TNRC6A: variants seen among roughly 807,000 people sequenced by gnomAD.
TNRC6A encodes trinucleotide repeat-containing gene 6A protein.
Under a neutral mutation model 221.2 loss-of-function variants are expected in TNRC6A, and 44 were observed. That is an observed-to-expected ratio of 0.20 (90% CI 0.16 to 0.26). The LOEUF (loss-of-function observed/expected upper bound fraction) is 0.26, where lower values mean the gene tolerates loss of function less well. TNRC6A is among the 10% of genes least tolerant of loss of function. TNRC6A has a pLI of 1.00. For missense variants in TNRC6A, 2,199 were observed against 2,404.4 expected (o/e 0.91, Z 1.79); for synonymous variants, 847 against 838.5 (o/e 1.01, Z -0.18).
chr16:24,693,631 G>A (rs1010411064), intron 2 of TNRC6A, among the ~76,000 whole-genome samples: 1 of 151,854 alleles, frequency 6.6e-6, no homozygotes, highest in African/African-American at 2.4e-5. Context: ...CAGGCATGGT[G>A]TCATGCACCT....
At chr16:24,721,160 T>C (rs113020273) in intron 2 of TNRC6A, among the ~76,000 whole-genome samples, 6 of 152,332 alleles carry the variant, frequency 3.9e-5, no homozygotes, top group African/African-American at 1.4e-4. Context: ...GAGGTTGAGA[T>C]GCAACCGGGT....
intron 23 of TNRC6A, 124 bp from the exon 24 acceptor site, chr16:24,822,750 G>A (rs1468087407): frequency 1.5e-6 from 2 of 1,333,266 alleles, no homozygotes; most frequent in Non-Finnish European, 2.1e-6. Context: ...GAGTGTCAGT[G>A]AAGAGTGGTG....
intron 2 of TNRC6A, among the ~76,000 whole-genome samples, chr16:24,734,944 A>G (rs1443610727): frequency 6.6e-6 from 1 of 152,222 alleles, no homozygotes; most frequent in East Asian, 1.9e-4. Context: ...AAACTGGGAC[A>G]CTTATCTGAG....
intron 1 of TNRC6A, among the ~76,000 whole-genome samples, chr16:24,622,183 G>A (rs1267897126): frequency 6.6e-6 from 1 of 152,228 alleles, no homozygotes; most frequent in East Asian, 1.9e-4. Context: ...ACTTTGAGAG[G>A]CCAAGGTGGG....
At chr16:24,620,394 T>C (rs1900605506) in intron 1 of TNRC6A, among the ~76,000 whole-genome samples, 1 of 152,210 alleles carries the variant, frequency 6.6e-6, no homozygotes, top group Non-Finnish European at 1.5e-5. Context: ...GTAGTGTCGT[T>C]ATAATGCTAG....
chr16:24,788,640 C>A (rs2058024953), intron 5 of TNRC6A, among the ~76,000 whole-genome samples: 1 of 140,086 alleles, frequency 7.1e-6, no homozygotes. Context: ...CTTCTTGACT[C>A]CAAAATTCTT....
In TNRC6A at chr16:24,793,488, G is replaced by T. The variant is rs762167785; in HGVS notation, c.3191G>T (p.Trp1064Leu). 2 of 1,496,990 alleles carry T rather than the reference G, an allele frequency of 1.3e-6. No individual in the cohort carries two copies. Among genetic ancestry groups the T allele is most frequent in the Non-Finnish European group, 1.8e-6 (2 of 1,116,922 alleles). 92.7% of individuals were successfully genotyped at this position (1,496,990 alleles called of 1,614,324 possible). A position where few individuals can be genotyped will look rare whatever the true frequency, so the allele number is the denominator to read the frequency against. The change falls in exon 7 of 25, where the codon TGG becomes TTG. Residue 1064 changes from tryptophan (W) to leucine (L), a missense_variant. Around this residue, in one of 8 missense-constraint regions of TNRC6A, gnomAD observed 1,405 missense variants for 1,400.2 expected, o/e 1.00. Coordinates refer to ENST00000395799, the MANE Select transcript of TNRC6A (RefSeq NM_014494.4). ...ASSGSGWGEP[W>L]GEPSTPATTV... The stretch of plus-strand genomic sequence containing the variant: ...CTTTCTAAAGGCTGGGGTGAGCCCT[G>T]GGGGGAGCCTTCTACTCCAGCCACA...
At chr16:24,728,574 C>G (rs2056533131), upstream of TNRC6A, among the ~76,000 whole-genome samples, 1 of 151,678 alleles carries the variant, frequency 6.6e-6, no homozygotes, top group East Asian at 1.9e-4. Flanking sequence ...ATTTTAAGCA[C>G]AGAGGAGGAA....
At chr16:24,812,041 T>C (rs1263175736) in intron 18 of TNRC6A, among the ~76,000 whole-genome samples, 27 of 66,854 alleles carry the variant, frequency 4.0e-4, no homozygotes, top group African/African-American at 1.3e-3. Context: ...TTTTTTTTTT[T>C]TTTTTTTTTT....
chr16:24,750,794 A>C lies in TNRC6A; in HGVS notation c.122A>C (p.Lys41Thr). Residue 41 changes from lysine to threonine, a missense_variant, in exon 3 of 25, where the codon AAG (lysine) becomes ACG (threonine). Around this residue, in one of 8 missense-constraint regions of TNRC6A, gnomAD observed 1,405 missense variants for 1,400.2 expected, o/e 1.00. Transcript: ENST00000395799. The part of the protein sequence containing the change: ...KKKKKDDKKK[K>T]EAAQKKATEQ... Reference sequence around the variant, plus strand: ...AAGAAAAAAGACGACAAGAAAAAGAAGGAAGCTGCTCAAAAGAAGGTAGTA... The same window carrying C: ...AAGAAAAAAGACGACAAGAAAAAGACGGAAGCTGCTCAAAAGAAGGTAGTA... 6.4e-7 allele frequency: 1 copy of C among 1,564,660 alleles called. No homozygotes were observed. Among genetic ancestry groups the C allele is most frequent in the Non-Finnish European group, 8.6e-7 (1 of 1,158,854 alleles).
chr16:24,810,894 G>C (rs1037690833), intron 18 of TNRC6A, among the ~76,000 whole-genome samples: 4 of 152,194 alleles, frequency 2.6e-5, no homozygotes, highest in African/African-American at 9.7e-5. Flanking sequence ...AAGCAGAAAA[G>C]CTTGGTAACT....
intron 22 of TNRC6A, among the ~76,000 whole-genome samples, chr16:24,821,115 C>T (rs930773576): frequency 6.6e-6 from 1 of 152,248 alleles, no homozygotes; most frequent in African/African-American, 2.4e-5. Flanking sequence ...CCTTTGAGTG[C>T]GGGTTAATTA....
At chr16:24,763,729 C>G (rs2057412132) in intron 4 of TNRC6A, among the ~76,000 whole-genome samples, 1 of 152,128 alleles carries the variant, frequency 6.6e-6, no homozygotes, top group African/African-American at 2.4e-5. Context: ...ACAAAACAAC[C>G]CCCAGGTTCC....
intron 3 of TNRC6A, among the ~76,000 whole-genome samples, chr16:24,757,161 A>G (rs563070072): frequency 1.3e-5 from 2 of 152,200 alleles, no homozygotes; most frequent in South Asian, 2.1e-4. Context: ...ATTTTGATCC[A>G]TAGAGTAAAA....
chr16:24,763,883 A>G (rs1434104101), intron 4 of TNRC6A, among the ~76,000 whole-genome samples: 1 of 152,230 alleles, frequency 6.6e-6, no homozygotes. Context: ...TAAGGTGTAC[A>G]ACATAATGTT....
intron 15 of TNRC6A, among the ~76,000 whole-genome samples, chr16:24,805,956 G>T (rs2058423189): frequency 6.6e-6 from 1 of 152,194 alleles, no homozygotes; most frequent in South Asian, 2.1e-4. Flanking sequence ...AGTCCAGGGT[G>T]CTAGTGTTAG....
In TNRC6A at chr16:24,729,826, C is replaced by A. The variant is rs1421164377; in HGVS notation, c.-16C>A. ...CCTCCTTCGCCGCGCCCCACTTGCT[C>A]GTGCACTTTACACACATGAGGTGAG... On this transcript the variant is annotated 5_prime_UTR_variant, in exon 1 of 25. Transcript: ENST00000395799. The A allele has an allele frequency of 7.1e-7, 1 of 1,404,720 alleles. No homozygotes were observed. Among genetic ancestry groups the A allele is most frequent in the Non-Finnish European group, 9.3e-7 (1 of 1,071,426 alleles). The allele number at this position is 1,404,720 out of a possible 1,614,324, so 87.0% of individuals were successfully genotyped here.
chr16:24,771,582 T>TTGTTATGTTATGTTATGTTATGTTGTTA (rs2057606490), intron 4 of TNRC6A, among the ~76,000 whole-genome samples: 6 of 95,480 alleles, frequency 6.3e-5, no homozygotes, highest in Non-Finnish European at 1.0e-4. Context: ...TTATGTTATG[T>TTGTTATGTTATGTTATGTTATGTTGTTA]TGTTATGTTA....
In TNRC6A at chr16:24,790,754, C is replaced by A. The variant is rs778440208; in HGVS notation, c.2112C>A (p.Leu704=). The change falls in exon 6 of 25, where the codon CTC becomes CTA. Residue 704 remains leucine, a synonymous_variant. Transcript: ENST00000395799. ...DRRKIDQHTL[L]QSIVNRTDLD... ...GAAAAATTGATCAGCACACATTACT[C>A]CAAAGCATTGTAAACAGAACTGACT... 1 of 1,614,108 alleles carries A rather than the reference C, an allele frequency of 6.2e-7. No individual in the cohort carries two copies. Among genetic ancestry groups the A allele is most frequent in the Non-Finnish European group, 8.5e-7 (1 of 1,180,016 alleles).
Sources: allele counts gnomAD v4.1 joint callset (sites outside exome capture counted in the v4.1 genomes callset), GRCh38; gene constraint gnomAD v4.1.1; regional missense constraint gnomAD v4.1.1; transcripts MANE v1.5; gene names NCBI Gene and HGNC (gene_info 2026-07-23, HGNC 2026-07-21).